Variants in MAMDC4 observed in about 807,000 individuals in gnomAD.
The protein encoded by MAMDC4 is apical endosomal glycoprotein.
MAMDC4 carries 168 observed loss-of-function variants against 153.3 expected under a neutral mutation model. The observed-to-expected ratio is 1.10, with a 90% CI of 0.97 to 1.25. The LOEUF (loss-of-function observed/expected upper bound fraction) is 1.25, where lower values mean the gene tolerates loss of function less well. Among genes scored for constraint, MAMDC4 ranks in the 50% most tolerant of loss-of-function variants. MAMDC4 has a pLI of 0.00. For synonymous variants in MAMDC4, 744 were observed against 651.5 expected (o/e 1.14, Z -2.16); for missense variants, 1,701 against 1,542.8 (o/e 1.10, Z -1.72).
chr9:136,860,214 C>T (rs1331414773), intron 26 of MAMDC4, 150 bp downstream of exon 26: 8 of 978,950 alleles, frequency 8.2e-6, no homozygotes, highest in Non-Finnish European at 1.2e-5. Context: ...CTCCCAGCCA[C>T]CACTGTCAAA....
Position 136,855,594 on chromosome 9 carries a change from A to AG in MAMDC4, c.1451dup (p.Glu485ArgfsTer12). On this transcript the variant is annotated frameshift_variant, in exon 12 of 27. Transcript: ENST00000317446. LOFTEE classifies it high-confidence loss of function. ...TGTGTGACTTCGAGGAGCAGTGCGC[A>AG]GGGGGCGAGGACGAGCAGGCCTGTG... The AG allele has an allele frequency of 6.3e-7, 1 of 1,586,812 alleles. No individual in the cohort carries two copies. The highest frequency in any genetic ancestry group is 8.6e-7 in the Non-Finnish European group (1 of 1,166,508).
rs1848950277 is a variant in MAMDC4 at position 136,853,138 on chromosome 9, G to A, written c.83G>A (p.Cys28Tyr). Residue 28 changes from cysteine (C) to tyrosine (Y), a missense_variant, in exon 2 of 27, where the codon TGC becomes TAC. By Grantham distance (194) the Cys-to-Tyr change is radical. Coordinates refer to ENST00000317446, the MANE Select transcript of MAMDC4 (RefSeq NM_206920.3). ...SSGWAWVPNH[C>Y]RSPGQAVCNF... ...GGCTGGGCCTGGGTCCCCAACCACT[G>A]CAGGAGCCCTGGCCAGGCCGTGTGC... 1.2e-6 allele frequency: 2 copies of A among 1,612,774 alleles called. No individual in the cohort carries two copies. Among genetic ancestry groups the A allele is most frequent in the Non-Finnish European group, 1.7e-6 (2 of 1,179,958 alleles).
At position 136,853,370 on chromosome 9, in the gene MAMDC4, C is replaced by T; in HGVS notation, c.240C>T (p.Thr80=). The T allele has an allele frequency of 6.2e-7, 1 of 1,607,016 alleles. No homozygotes were observed. Among genetic ancestry groups the T allele is most frequent in the Non-Finnish European group, 8.5e-7 (1 of 1,175,528 alleles). Residue 80 remains threonine, a synonymous_variant, in exon 3 of 27, where the codon ACC becomes ACT. Coordinates refer to ENST00000317446, the MANE Select transcript of MAMDC4 (RefSeq NM_206920.3). ...QDPCGWRDIS[T]SGYSWLRDRA... ...CCTGCGGCTGGCGGGACATTAGTACCTCAGGCTACAGCTGGCTCCGAGACA... is the reference window on the plus strand; with the variant it reads ...CCTGCGGCTGGCGGGACATTAGTACTTCAGGCTACAGCTGGCTCCGAGACA...
Position 136,858,139 on chromosome 9 carries a change from G to A in MAMDC4, c.2583+42G>A, listed in dbSNP as rs760868887. The A allele has an allele frequency of 7.1e-5, 88 of 1,240,732 alleles. 1 individual carries two copies. In the Middle Eastern group the frequency reaches 8.8e-4, roughly 12 times the overall value. The allele number at this position is 1,240,732 out of a possible 1,614,324, so 76.9% of individuals were successfully genotyped here. ...GTGCCCCTCCCCCTCCCCCTCCCCC[G>A]AGGGCTGCCTGGACCCGCTGAGGCT... On this transcript the variant is annotated intron_variant, in intron 20 of 26. Transcript: ENST00000317446.
At chr9:136,860,348 C>T (rs889501939) in intron 26 of MAMDC4, among the ~76,000 whole-genome samples, 5 of 152,206 alleles carry the variant, frequency 3.3e-5, no homozygotes, top group African/African-American at 7.2e-5. Context: ...GGTGAAACCC[C>T]GTCTCAACTA....
chr9:136,859,047 A>G lies in MAMDC4; in HGVS notation c.2999A>G (p.Gln1000Arg). ...GTACTGCTGCACAGTGCTCAGGGCC[A>G]GCTGGCTGTGTGGGGCGCAGGCGGG... Reference protein sequence around the residue: ...LKVLLHSAQGQLAVWGAGGHR... With the variant: ...LKVLLHSAQGRLAVWGAGGHR... Residue 1000 changes from glutamine to arginine, a missense_variant, in exon 24 of 27, where the codon CAG becomes CGG. Physicochemically the swap from Gln to Arg is conservative, Grantham distance 43. Coordinates refer to ENST00000317446, the MANE Select transcript of MAMDC4 (RefSeq NM_206920.3). The G allele has an allele frequency of 1.3e-6, 2 of 1,555,468 alleles. No homozygotes were observed. Among genetic ancestry groups the G allele is most frequent in the African/African-American group, 2.7e-5 (2 of 73,872 alleles).
chr9:136,854,742 A>C lies in MAMDC4; in HGVS notation c.935-20A>C, dbSNP rs1480587050. The C allele has an allele frequency of 6.2e-7, 1 of 1,611,978 alleles. No homozygotes were observed. Among genetic ancestry groups the C allele is most frequent in the East Asian group, 2.2e-5 (1 of 44,864 alleles). On this transcript the variant is annotated intron_variant, in intron 8 of 26. Coordinates refer to ENST00000317446, the MANE Select transcript of MAMDC4 (RefSeq NM_206920.3). ...AGCCACAGCCCAGTGGCCCTGGCCC[A>C]CTCCCGTCCTTTCCCGCAGGCTCCT...
At chr9:136,858,643 G>C in intron 22 of MAMDC4, 76 bp from the exon 23 acceptor site, 4 of 1,597,172 alleles carry the variant, frequency 2.5e-6, no homozygotes, top group Non-Finnish European at 3.4e-6. Flanking sequence ...AGGAGGCCCT[G>C]CTCACCGAGC....
intron 7 of MAMDC4, 31 bp downstream of exon 7, chr9:136,854,367 C>A: frequency 6.6e-7 from 1 of 1,513,544 alleles, no homozygotes; most frequent in South Asian, 1.3e-5. Context: ...CAGAGTGAGG[C>A]TGGGAGACTG....
chr9:136,852,697 G>T (rs1382437992), intron 1 of MAMDC4, among the ~76,000 whole-genome samples: 1 of 152,204 alleles, frequency 6.6e-6, no homozygotes, highest in Non-Finnish European at 1.5e-5. Context: ...TGGGACAAGA[G>T]GGCTCAGGAG....
In MAMDC4 at chr9:136,855,072, C is replaced by T. The variant is rs372349364; in HGVS notation, c.1159C>T (p.Arg387Ter). 13 of 1,597,658 alleles carry T rather than the reference C, an allele frequency of 8.1e-6. No homozygotes were observed. The highest frequency in any genetic ancestry group is 2.3e-5 in the East Asian group (1 of 44,072). Residue 387 changes from arginine (R) to a stop codon, truncating the protein, a stop_gained, in exon 10 of 27, where the codon CGA becomes TGA. Coordinates refer to ENST00000317446, the MANE Select transcript of MAMDC4 (RefSeq NM_206920.3). LOFTEE classifies it high-confidence loss of function. ...AGGGGAGCTGGGGACCGCCTGGGTC[C>T]GAGACCGTGTTGACATCCAGAGCGC... ...RRGELGTAWV[R>*]DRVDIQSAYP...
intron 19 of MAMDC4, 33 bp downstream of exon 19, chr9:136,857,829 T>C (rs750739354): frequency 1.4e-5 from 23 of 1,601,738 alleles, no homozygotes; most frequent in Non-Finnish European, 2.0e-5. Context: ...CCCAGTGGGC[T>C]CAGGGAAGCT....
rs1303631197 is a variant in MAMDC4 at position 136,854,540 on chromosome 9, C to T, written c.798C>T (p.Gly266=). Reference sequence around the variant, plus strand: ...TGACACGCCCACCTCCTGCCCTAGGCCGCCACATAGCCACCGACTTTGAGA... The same window carrying T: ...TGACACGCCCACCTCCTGCCCTAGGTCGCCACATAGCCACCGACTTTGAGA... ...DLSDENPLTC[G]RHIATDFETG... The change falls in exon 8 of 27, where the codon GGC becomes GGT. Residue 266 remains glycine (G), a splice_region_variant and synonymous_variant. Transcript: ENST00000317446. 32 of 1,603,542 alleles carry T rather than the reference C, an allele frequency of 2.0e-5. No homozygotes were observed. Among genetic ancestry groups the T allele is most frequent in the Non-Finnish European group, 2.6e-5 (31 of 1,176,334 alleles).
At chr9:136,858,647 A>G (rs1037403631) in intron 22 of MAMDC4, 72 bp from the exon 23 acceptor site, 1 of 1,598,106 alleles carries the variant, frequency 6.3e-7, no homozygotes, top group Non-Finnish European at 8.5e-7. Flanking sequence ...GGCCCTGCTC[A>G]CCGAGCCTCT....
Position 136,858,334 on chromosome 9 carries a change from T to G in MAMDC4, c.2674+58T>G, listed in dbSNP as rs1849037685. On this transcript the variant is annotated intron_variant, in intron 21 of 26. Coordinates refer to ENST00000317446, the MANE Select transcript of MAMDC4 (RefSeq NM_206920.3). The stretch of plus-strand genomic sequence containing the variant: ...TGGGGTGCCTGCCTAGCCCTTTCCC[T>G]TCGTAGTCGTGGTGCCCAGGGCTTG... 3 of 1,600,138 alleles carry G rather than the reference T, an allele frequency of 1.9e-6. No homozygotes were observed. In the East Asian group the frequency reaches 6.7e-5, roughly 36 times the overall value.
rs901638475 is a variant in MAMDC4, at chr9:136,858,161, G to C, written c.2584-25G>C. 3.9e-6 allele frequency: 6 copies of C among 1,555,374 alleles called. No homozygotes were observed. The South Asian group carries it at 7.0e-5, about 18-fold the overall frequency. On this transcript the variant is annotated intron_variant, in intron 20 of 26. Transcript: ENST00000317446. Reference sequence around the variant, plus strand: ...CCCGAGGGCTGCCTGGACCCGCTGAGGCTGCCCTGCCCTGCACCCGCCAGG... The same window carrying C: ...CCCGAGGGCTGCCTGGACCCGCTGACGCTGCCCTGCCCTGCACCCGCCAGG...
chr9:136,855,302 G>T lies in MAMDC4; in HGVS notation c.1246G>T (p.Asp416Tyr). ...CCCGGGGGGCGTCGTGGGTCTGGAC[G>T]ACCTCATCCTGTCTGACCACTGCAG... ...TGPGGVVGLD[D>Y]LILSDHCRPV... The change falls in exon 11 of 27, where the codon GAC (aspartate) becomes TAC (tyrosine). Residue 416 changes from aspartate (D) to tyrosine (Y), a missense_variant. By Grantham distance (160) the Asp-to-Tyr change is radical. Transcript: ENST00000317446. The T allele has an allele frequency of 6.2e-7, 1 of 1,607,072 alleles. No homozygotes were observed. Among genetic ancestry groups the T allele is most frequent in the Non-Finnish European group, 8.5e-7 (1 of 1,176,916 alleles).
rs771326340 is a variant in MAMDC4 at position 136,857,691 on chromosome 9, G to A, written c.2359G>A (p.Ala787Thr). Reference protein sequence around the residue: ...HYMVVDTSPDALPRGQTASLT... With the variant: ...HYMVVDTSPDTLPRGQTASLT... ...CATGGTGGTGGACACAAGCCCAGACGCACTACCCCGGGGCCAGACGGCCTC... is the reference window on the plus strand; with the variant it reads ...CATGGTGGTGGACACAAGCCCAGACACACTACCCCGGGGCCAGACGGCCTC... The change falls in exon 19 of 27, where the codon GCA (alanine) becomes ACA (threonine). Residue 787 changes from alanine (A) to threonine (T), a missense_variant. Coordinates refer to ENST00000317446, the MANE Select transcript of MAMDC4 (RefSeq NM_206920.3). 93 of 1,612,470 alleles carry A rather than the reference G, an allele frequency of 5.8e-5. No individual in the cohort carries two copies. The highest frequency in any genetic ancestry group is 1.6e-4 in the Middle Eastern group (1 of 6,084).
chr9:136,855,938 GTC>G, intron 13 of MAMDC4, 78 bp from the exon 14 acceptor site: 1 of 1,545,106 alleles, frequency 6.5e-7, no homozygotes, highest in Non-Finnish European at 8.7e-7. Context: ...ACTACAGAGG[GTC>G]TCTGGACTGG....
Sources: allele counts gnomAD v4.1 joint callset (sites outside exome capture counted in the v4.1 genomes callset), GRCh38; gene constraint gnomAD v4.1.1; transcripts MANE v1.5; gene names NCBI Gene and HGNC (gene_info 2026-07-23, HGNC 2026-07-21).